The following FARP1 variants were observed in gnomAD, a reference collection of about 807,000 sequenced individuals.
The protein encoded by FARP1 is FERM, ARHGEF and pleckstrin domain-containing protein 1.
FARP1 carries 52 observed loss-of-function variants against 128.8 expected under a neutral mutation model. That is an observed-to-expected ratio of 0.40 (90% CI 0.32 to 0.51). The LOEUF (loss-of-function observed/expected upper bound fraction) is 0.51, where lower values mean the gene tolerates loss of function less well. Ranked by LOEUF, FARP1 falls within the 20% of genes least tolerant of loss-of-function variation. The probability of loss-of-function intolerance (pLI) is 0.45; values close to 1 mark genes in which losing one functional copy is unlikely to be tolerated. For missense variants in FARP1, 1,333 were observed against 1,367.9 expected, an observed-to-expected ratio of 0.97 and a Z score of 0.40; for synonymous variants, 580 against 551.8, an observed-to-expected ratio of 1.05 and a Z score of -0.72.
intron 3 of FARP1, among the ~76,000 whole-genome samples, chr13:98,364,448 AAC>A (rs1889000306): frequency 6.6e-6 from 1 of 152,246 alleles, no homozygotes; most frequent in East Asian, 1.9e-4. Context: ...CCTGAACGTC[AAC>A]AGTTTTCTGT....
In FARP1 at chr13:98,384,861, G is replaced by C; in HGVS notation, c.611+17G>C. ...TAACCACATGTAAGTCTCATTCTTG[G>C]CTTCATATTCCCTCTGAGCCGGTTC... On this transcript the variant is annotated intron_variant, in intron 7 of 26. Transcript: ENST00000319562. 6.7e-7 allele frequency: 1 copy of C among 1,493,844 alleles called. No individual in the cohort carries two copies. The highest frequency in any genetic ancestry group is 9.3e-7 in the Non-Finnish European group (1 of 1,070,560). 92.5% of individuals were successfully genotyped at this position (1,493,844 alleles called of 1,614,324 possible). A position where few individuals can be genotyped will look rare whatever the true frequency, so the allele number is the denominator to read the frequency against.
chr13:98,274,010 G>A (rs1307415600), intron 2 of FARP1, among the ~76,000 whole-genome samples: 1 of 152,212 alleles, frequency 6.6e-6, no homozygotes, highest in East Asian at 1.9e-4. Flanking sequence ...AGGAAGAAAT[G>A]GAGTTTGCTA....
At chr13:98,220,935 G>A (rs1286281908) in intron 2 of FARP1, among the ~76,000 whole-genome samples, 1 of 152,094 alleles carries the variant, frequency 6.6e-6, no homozygotes, top group African/African-American at 2.4e-5. Context: ...TTTAAAATGG[G>A]CCATGATCTG....
intron 2 of FARP1, among the ~76,000 whole-genome samples, chr13:98,243,783 T>A (rs148148472): frequency 6.6e-6 from 1 of 152,146 alleles, no homozygotes; most frequent in South Asian, 2.1e-4. Flanking sequence ...GGGTTAAAGA[T>A]TGTAGTATTG....
chr13:98,355,300 C>T (rs555234306), intron 3 of FARP1, among the ~76,000 whole-genome samples: 3 of 152,168 alleles, frequency 2.0e-5, no homozygotes, highest in South Asian at 2.1e-4. Context: ...GAGCCAAGAT[C>T]GAGCCACTGT....
intron 1 of FARP1, among the ~76,000 whole-genome samples, chr13:98,192,425 TG>T (rs1204891476): frequency 6.6e-6 from 1 of 152,190 alleles, no homozygotes; most frequent in Non-Finnish European, 1.5e-5. Flanking sequence ...AGTCTTGCTC[TG>T]TCTCCCAGAC....
chr13:98,181,164 C>T (rs1878481229), intron 1 of FARP1, among the ~76,000 whole-genome samples: 1 of 152,090 alleles, frequency 6.6e-6, no homozygotes, highest in Non-Finnish European at 1.5e-5. Flanking sequence ...GATAGCACTT[C>T]TCCCTGCTGG....
At chr13:98,333,979 C>T (rs189559798) in intron 2 of FARP1, 230 of 152,478 alleles carry the variant, frequency 1.5e-3, no homozygotes, top group Admixed American at 2.7e-3. Flanking sequence ...TCATCATCAT[C>T]ATCCCAAATA....
intron 6 of FARP1, among the ~76,000 whole-genome samples, chr13:98,383,225 C>T (rs1407124864): frequency 6.6e-6 from 1 of 152,192 alleles, no homozygotes; most frequent in African/African-American, 2.4e-5. Context: ...GCCAGGCCCT[C>T]TATTGTCAAG....
At chr13:98,320,271 C>A (rs1306922911) in intron 2 of FARP1, among the ~76,000 whole-genome samples, 1 of 152,168 alleles carries the variant, frequency 6.6e-6, no homozygotes, top group African/African-American at 2.4e-5. Context: ...CTGATCGGCC[C>A]AGGTGTGCTC....
intron 2 of FARP1, among the ~76,000 whole-genome samples, chr13:98,215,302 C>A (rs1475213212): frequency 6.6e-6 from 1 of 152,162 alleles, no homozygotes; most frequent in Non-Finnish European, 1.5e-5. Flanking sequence ...CTAATAAACT[C>A]CTGTGCATTC....
chr13:98,347,817 A>C (rs1210277226), intron 3 of FARP1, among the ~76,000 whole-genome samples: 5 of 152,190 alleles, frequency 3.3e-5, no homozygotes, highest in African/African-American at 9.7e-5. Flanking sequence ...GGTTGGTTTC[A>C]AAATGCCCAA....
chr13:98,161,894 CTCA>C (rs1566680955), intron 1 of FARP1, among the ~76,000 whole-genome samples: 101 of 152,268 alleles, frequency 6.6e-4, no homozygotes, highest in African/African-American at 2.2e-3. Context: ...ATCCACCCAC[CTCA>C]GCCTCTTAAG....
chr13:98,384,680 T>G, intron 6 of FARP1, 50 bp from the exon 7 acceptor site: 1 of 1,138,610 alleles, frequency 8.8e-7, no homozygotes, highest in Non-Finnish European at 1.3e-6. Flanking sequence ...ATTGACAAAC[T>G]GGGAAGTGTC....
intron 1 of FARP1, among the ~76,000 whole-genome samples, chr13:98,153,568 T>TATATATAAATATGTATAA (rs1566671371): frequency 9.2e-5 from 2 of 21,758 alleles, no homozygotes; most frequent in Non-Finnish European, 1.8e-4. Context: ...TTATATATAT[T>TATATATAAATATGTATAA]ATATATATAT....
chr13:98,177,213 T>C (rs1878144571), intron 1 of FARP1: 1 of 1,566,942 alleles, frequency 6.4e-7, no homozygotes, highest in African/African-American at 1.4e-5. Context: ...CGGCCGTCCT[T>C]CCTGGAGAAG....
At chr13:98,266,606 A>G (rs566443349) in intron 2 of FARP1, among the ~76,000 whole-genome samples, 8 of 152,228 alleles carry the variant, frequency 5.3e-5, no homozygotes, top group Non-Finnish European at 1.0e-4. Context: ...TACTTTTGGC[A>G]GATTTCAAAC....
intron 1 of FARP1, among the ~76,000 whole-genome samples, chr13:98,149,162 A>C (rs552267898): frequency 2.6e-5 from 4 of 152,302 alleles, no homozygotes; most frequent in Admixed American, 6.5e-5. Context: ...TGCTGGGATT[A>C]CTGGCATGAA....
At chr13:98,327,334 TTAGTATA>T (rs1887278369) in intron 2 of FARP1, among the ~76,000 whole-genome samples, 1 of 152,220 alleles carries the variant, frequency 6.6e-6, no homozygotes, top group African/African-American at 2.4e-5. Flanking sequence ...CCCATGTTTC[TTAGTATA>T]TATCTTACAT....
Sources: allele counts gnomAD v4.1 joint callset (sites outside exome capture counted in the v4.1 genomes callset), GRCh38; gene constraint gnomAD v4.1.1; transcripts MANE v1.5; gene names NCBI Gene and HGNC (gene_info 2026-07-23, HGNC 2026-07-21).